NAIF1: variants seen among roughly 807,000 people sequenced by gnomAD.
NAIF1 encodes the protein nuclear apoptosis inducing factor 1, also known as nuclear apoptosis-inducing factor 1.
Under a neutral mutation model 20.7 loss-of-function variants are expected in NAIF1, and 14 were observed. The ratio of observed to expected loss-of-function variants is 0.67; its 90% confidence interval spans 0.45 to 1.05. The LOEUF (loss-of-function observed/expected upper bound fraction) is 1.05. NAIF1 is among the 50% of genes least tolerant of loss of function. The pLI is 0.00. For missense variants in NAIF1, 362 were observed against 448.8 expected, an observed-to-expected ratio of 0.81 and a Z score of 1.75; for synonymous variants, 191 against 191.4, an observed-to-expected ratio of 1.00 and a Z score of 0.02.
At chr9:128,065,825 C>G (rs1052654292) in intron 1 of NAIF1, among the ~76,000 whole-genome samples, 1 of 152,158 alleles carries the variant, frequency 6.6e-6, no homozygotes, top group Admixed American at 6.5e-5. Flanking sequence ...AGGATCCTGG[C>G]TGGGCTGTAT....
Position 128,062,505 on chromosome 9 carries a change from G to A in NAIF1, c.*923C>T. 6.6e-6 allele frequency: 1 copy of A among 152,624 alleles called. No individual in the cohort carries two copies. Among genetic ancestry groups the A allele is most frequent in the Non-Finnish European group, 1.5e-5 (1 of 68,200 alleles). The allele number at this position is 152,624 out of a possible 1,614,324, so 9.5% of individuals were successfully genotyped here. ...AGTCAGCAGAGAGGAAAGGAGGATG[G>A]GTGTGGCCACAGGGCAGCCTTCCTG... is the stretch of plus-strand genomic sequence containing the variant. On this transcript the variant is annotated 3_prime_UTR_variant, in exon 2 of 2. Transcript: ENST00000373078.
chr9:128,063,410 C>T lies in NAIF1; in HGVS notation c.*18G>A. 1.9e-6 allele frequency: 3 copies of T among 1,593,648 alleles called. No homozygotes were observed. Among genetic ancestry groups the T allele is most frequent in the Non-Finnish European group, 1.7e-6 (2 of 1,171,814 alleles). Reference sequence around the variant, plus strand: ...GTTTTCATCCCATCATGGCAGAAGGCTGGCCTGACCCCTGCCCTCACTGGA... The same window carrying T: ...GTTTTCATCCCATCATGGCAGAAGGTTGGCCTGACCCCTGCCCTCACTGGA... On this transcript the variant is annotated 3_prime_UTR_variant, in exon 2 of 2. Transcript: ENST00000373078. This position sits in a 1 kb window ranked among gnomAD's most constrained non-coding sequence, Gnocchi z 4.3.
chr9:128,063,544 G>A lies in NAIF1; in HGVS notation c.868C>T (p.Arg290Trp), dbSNP rs1421737216. ...AALSVLIQVL[R>W]PMIKDFRRYL... ...CGGCGGAAATCTTTGATCATAGGCC[G>A]GAGGACCTGGATGAGGACGCTCAGG... is the stretch of plus-strand genomic sequence containing the variant. The change falls in exon 2 of 2, where the codon CGG becomes TGG. Residue 290 changes from arginine (R) to tryptophan (W), a missense_variant. Physicochemically the swap from Arg to Trp is moderately radical, Grantham distance 101 (BLOSUM62 -3). This residue lies in a region of NAIF1 where 300 missense variants were observed against 342.7 expected (regional missense o/e 0.88). Coordinates refer to ENST00000373078, the MANE Select transcript of NAIF1 (RefSeq NM_197956.4). This position sits in a 1 kb window ranked among gnomAD's most constrained non-coding sequence, Gnocchi z 4.3. 3.1e-6 allele frequency: 5 copies of A among 1,610,826 alleles called. No homozygotes were observed. Among genetic ancestry groups the A allele is most frequent in the South Asian group, 2.2e-5 (2 of 91,094 alleles).
At chr9:128,066,390 C>T in intron 1 of NAIF1, 1 of 484,206 alleles carries the variant, frequency 2.1e-6, no homozygotes, top group Admixed American at 4.1e-5. Context: ...TCCAGCACGT[C>T]AGAAGTCCAG....
Position 128,067,066 on chromosome 9 carries a change from GA to G in NAIF1, c.35del (p.Phe12SerfsTer15). On this transcript the variant is annotated frameshift_variant, in exon 1 of 2. Coordinates refer to ENST00000373078, the MANE Select transcript of NAIF1 (RefSeq NM_197956.4). LOFTEE classifies it high-confidence loss of function. ...CGATGATCTCCACCTCCCGCTCTGA[GA>G]AGTTCATCTTCCTTTTCTTGGCTGG... ...AVPAKKRKMNFSEREVEIIVE... is the reference protein window; with the variant it reads ...AVPAKKRKMNXSEREVEIIVE... 1.2e-6 allele frequency: 2 copies of G among 1,608,940 alleles called. No homozygotes were observed. The highest frequency in any genetic ancestry group is 1.7e-6 in the Non-Finnish European group (2 of 1,175,830).
In NAIF1 at chr9:128,062,877, C is replaced by T. The variant is rs112812186; in HGVS notation, c.*551G>A. On this transcript the variant is annotated 3_prime_UTR_variant, in exon 2 of 2. Transcript: ENST00000373078. ...GCCTGCGCTGTGCCTGGGGTGGGGT[C>T]GGGGGAGAGCACAACAGTCATTGGA... is the stretch of plus-strand genomic sequence containing the variant. 1,943 of 163,752 alleles carry T rather than the reference C, an allele frequency of 0.012. 54 individuals carry two copies. The highest frequency in any genetic ancestry group is 0.044 in the African/African-American group (1,818 of 41,668). 10.1% of individuals were successfully genotyped at this position (163,752 alleles called of 1,614,324 possible).
Position 128,067,203 on chromosome 9 carries a change from G to A in NAIF1, c.-102C>T. 2 of 1,418,768 alleles carry A rather than the reference G, an allele frequency of 1.4e-6. No individual in the cohort carries two copies. The highest frequency in any genetic ancestry group is 1.4e-5 in the South Asian group (1 of 73,554). 87.9% of individuals were successfully genotyped at this position (1,418,768 alleles called of 1,614,324 possible). ...CCTCGCCCCTCACCCACCCCCTACA[G>A]GGGATAGGCCAGGCTTGCTCGAGGC... On this transcript the variant is annotated 5_prime_UTR_variant, in exon 1 of 2. Transcript: ENST00000373078.
At chr9:128,065,449 C>G (rs1366656334) in intron 1 of NAIF1, among the ~76,000 whole-genome samples, 2 of 152,100 alleles carry the variant, frequency 1.3e-5, no homozygotes, top group East Asian at 3.9e-4. Context: ...TTCCTAGGCC[C>G]CTATGGCGAA....
chr9:128,061,518 T>TCC lies in NAIF1; in HGVS notation c.*1908_*1909dup, dbSNP rs1832717210. 6.6e-6 allele frequency: 1 copy of TCC among 152,298 alleles called. No individual in the cohort carries two copies. The highest frequency in any genetic ancestry group is 2.1e-4 in the South Asian group (1 of 4,834). 9.4% of individuals were successfully genotyped at this position (152,298 alleles called of 1,614,324 possible). On this transcript the variant is annotated 3_prime_UTR_variant, in exon 2 of 2. Transcript: ENST00000373078. ...TTCTACCAGCAACTCCCTCGCTGGGTCCGATATCCCCCTTCACCTCCCTTT... is the reference window on the plus strand; with the variant it reads ...TTCTACCAGCAACTCCCTCGCTGGGTCCCCGATATCCCCCTTCACCTCCCTTT...
chr9:128,066,230 C>T (rs962591037), intron 1 of NAIF1: 3 of 240,650 alleles, frequency 1.2e-5, no homozygotes, highest in African/African-American at 6.7e-5. Context: ...ATTTTTTCAA[C>T]AAATATGGCC....
chr9:128,063,271 A>T lies in NAIF1; in HGVS notation c.*157T>A. 1 of 687,198 alleles carries T rather than the reference A, an allele frequency of 1.5e-6. No individual in the cohort carries two copies. The highest frequency in any genetic ancestry group is 2.4e-6 in the Non-Finnish European group (1 of 416,394). The allele number at this position is 687,198 out of a possible 1,614,324, so 42.6% of individuals were successfully genotyped here. ...TGAGTTTGGGTCCCAGGAGCCCAACAAATTCCTCTTCTCAAAAACAGTGCA... is the reference window on the plus strand; with the variant it reads ...TGAGTTTGGGTCCCAGGAGCCCAACTAATTCCTCTTCTCAAAAACAGTGCA... On this transcript the variant is annotated 3_prime_UTR_variant, in exon 2 of 2. Coordinates refer to ENST00000373078, the MANE Select transcript of NAIF1 (RefSeq NM_197956.4). The surrounding 1 kb of genome is among the most constrained non-coding windows in gnomAD (Gnocchi z 4.3).
chr9:128,066,887 C>A lies in NAIF1; in HGVS notation c.215G>T (p.Trp72Leu). 1 of 1,613,204 alleles carries A rather than the reference C, an allele frequency of 6.2e-7. No homozygotes were observed. Among genetic ancestry groups the A allele is most frequent in the Non-Finnish European group, 8.5e-7 (1 of 1,180,012 alleles). ...ACGGACCTCGGTCTTGAGGTCAGACCACTTCTTCTTGACCTCAGGCAGCTC... is the reference window on the plus strand; with the variant it reads ...ACGGACCTCGGTCTTGAGGTCAGACAACTTCTTCTTGACCTCAGGCAGCTC... ...RRELPEVKKK[W>L]SDLKTEVRRK... The change falls in exon 1 of 2, where the codon TGG (tryptophan) becomes TTG (leucine). Residue 72 changes from tryptophan (W) to leucine (L), a missense_variant. Physicochemically the swap from Trp to Leu is moderately conservative, Grantham distance 61 (BLOSUM62 -2). Transcript: ENST00000373078.
At chr9:128,066,315 C>A in intron 1 of NAIF1, 1 of 382,228 alleles carries the variant, frequency 2.6e-6, no homozygotes, top group East Asian at 3.8e-5. Context: ...TTTCAAGGAC[C>A]ACCCAGTTCG....
At position 128,066,692 on chromosome 9, in the gene NAIF1, C is replaced by T; in HGVS notation, c.410G>A (p.Gly137Asp). 2 of 1,610,280 alleles carry T rather than the reference C, an allele frequency of 1.2e-6. No homozygotes were observed. The highest frequency in any genetic ancestry group is 1.7e-6 in the Non-Finnish European group (2 of 1,177,972). ...PMQQRICNLL[G>D]EATIISLPST... is the part of the protein sequence containing the mutation. ...GGGCAGGCTGATGATGGTGGCCTCG[C>T]CCAGCAGGTTGCAGATACGTTGTTG... The change falls in exon 1 of 2, where the codon GGC becomes GAC. Residue 137 changes from glycine (G) to aspartate (D), a missense_variant. Gly to Asp is a moderately conservative substitution (Grantham distance 94). Around this residue, in one of 3 missense-constraint regions of NAIF1, gnomAD observed 300 missense variants for 342.7 expected, o/e 0.88. Transcript: ENST00000373078.
intron 1 of NAIF1, 107 bp from the exon 2 acceptor site, chr9:128,064,007 T>A: frequency 1.1e-6 from 1 of 894,116 alleles, no homozygotes; most frequent in South Asian, 1.7e-5. Flanking sequence ...TGGAGGGACA[T>A]AAAGGGGAAT....
chr9:128,066,150 A>T (rs1427432549), intron 1 of NAIF1: 1 of 163,178 alleles, frequency 6.1e-6, no homozygotes. Flanking sequence ...GCAGCACCTG[A>T]TGAAAGATCC....
chr9:128,064,001 G>A, intron 1 of NAIF1, 101 bp from the exon 2 acceptor site: 2 of 948,506 alleles, frequency 2.1e-6, no homozygotes, highest in Non-Finnish European at 3.1e-6. Flanking sequence ...CTGTCCTGGA[G>A]GGACATAAAG....
In NAIF1 at chr9:128,066,828, C is replaced by T; in HGVS notation, c.274G>A (p.Gly92Ser). Residue 92 changes from glycine to serine, a missense_variant, in exon 1 of 2, where the codon GGT (glycine) becomes AGT (serine). Around this residue, in one of 3 missense-constraint regions of NAIF1, gnomAD observed 300 missense variants for 342.7 expected, o/e 0.88. Transcript: ENST00000373078. ...KVAQVRAAVEGGEAPGPTEED... is the reference protein window; with the variant it reads ...KVAQVRAAVESGEAPGPTEED... The stretch of plus-strand genomic sequence containing the variant: ...TCAGTGGGCCCCGGCGCCTCACCAC[C>T]CTCCACGGCGGCCCGGACCTGGGCA... The T allele has an allele frequency of 1.9e-6, 3 of 1,611,750 alleles. No individual in the cohort carries two copies. The highest frequency in any genetic ancestry group is 2.2e-5 in the East Asian group (1 of 44,816).
chr9:128,063,077 C>T lies in NAIF1; in HGVS notation c.*351G>A, dbSNP rs184022142. 119 of 284,442 alleles carry T rather than the reference C, an allele frequency of 4.2e-4. No homozygotes were observed. Among genetic ancestry groups the T allele is most frequent in the African/African-American group, 2.4e-3 (111 of 47,092 alleles). 17.6% of individuals were successfully genotyped at this position (284,442 alleles called of 1,614,324 possible). ...CTCAGTAGAGACCCAGGCTGGGTGA[C>T]GGCCCCCAGTGACAGCCCGTTGTGT... On this transcript the variant is annotated 3_prime_UTR_variant, in exon 2 of 2. Transcript: ENST00000373078. The surrounding 1 kb of genome is among the most constrained non-coding windows in gnomAD (Gnocchi z 4.3).
Sources: allele counts gnomAD v4.1 joint callset (sites outside exome capture counted in the v4.1 genomes callset), GRCh38; gene constraint gnomAD v4.1.1; regional missense constraint gnomAD v4.1.1; non-coding constraint Gnocchi (gnomAD v3.1); transcripts MANE v1.5; gene names NCBI Gene and HGNC (gene_info 2026-07-23, HGNC 2026-07-21).